Variants in MBNL1 observed in about 807,000 individuals in gnomAD.
The protein encoded by MBNL1 is muscleblind-like protein 1.
In MBNL1, 8 loss-of-function variants were observed where a neutral mutation model predicts 42.2. The ratio of observed to expected loss-of-function variants is 0.19; its 90% CI spans 0.11 to 0.34. MBNL1 has a LOEUF of 0.34. MBNL1 is among the 10% of genes least tolerant of loss of function. MBNL1 has a pLI of 1.00. For synonymous variants in MBNL1, 169 were observed against 173.9 expected (o/e 0.97, Z 0.22); for missense variants, 309 against 495.3 (o/e 0.62, Z 3.57).
intron 2 of MBNL1, among the ~76,000 whole-genome samples, chr3:152,302,781 T>A (rs2061264785): frequency 6.6e-6 from 1 of 152,178 alleles, no homozygotes; most frequent in Non-Finnish European, 1.5e-5. Flanking sequence ...TTTAATAAAA[T>A]GTGTCCTGTG....
intron 1 of MBNL1, chr3:152,269,658 T>G (rs1382231980): frequency 3.2e-6 from 1 of 314,220 alleles, no homozygotes; most frequent in African/African-American, 2.3e-5. Flanking sequence ...CAGGCCAGTT[T>G]GCCTTTTGCC....
chr3:152,282,344 ATG>A (rs143455864), intron 1 of MBNL1, among the ~76,000 whole-genome samples: 15 of 151,658 alleles, frequency 9.9e-5, no homozygotes, highest in Admixed American at 6.6e-4. Context: ...TCTTAGGGAC[ATG>A]TGTGTGTGTG....
chr3:152,283,753 C>T (rs937290129), intron 1 of MBNL1, among the ~76,000 whole-genome samples: 1 of 152,190 alleles, frequency 6.6e-6, no homozygotes, highest in African/African-American at 2.4e-5. Context: ...ACAGGTGTTC[C>T]ATACAGACCA....
chr3:152,269,394 G>A (rs1236714076), intron 1 of MBNL1: 2 of 369,698 alleles, frequency 5.4e-6, no homozygotes, highest in Non-Finnish European at 5.4e-6. Context: ...ACAGGGGGGC[G>A]AGAAGAGAAA....
intron 6 of MBNL1, among the ~76,000 whole-genome samples, chr3:152,451,451 CTCTG>C (rs1722833736): frequency 6.6e-6 from 1 of 152,052 alleles, no homozygotes; most frequent in African/African-American, 2.4e-5. Flanking sequence ...TCCTCCCTTC[CTCTG>C]TCCTTCAGTT....
intron 2 of MBNL1, among the ~76,000 whole-genome samples, chr3:152,412,160 G>A (rs556923021): frequency 6.6e-6 from 1 of 152,226 alleles, no homozygotes; most frequent in South Asian, 2.1e-4. Flanking sequence ...ACTTATTTTT[G>A]ACCTTTTTCC....
intron 2 of MBNL1, among the ~76,000 whole-genome samples, chr3:152,372,018 T>C (rs2096684971): frequency 6.6e-6 from 1 of 152,246 alleles, no homozygotes; most frequent in African/African-American, 2.4e-5. Context: ...CATTTTTCTC[T>C]AATCTTGTCT....
In MBNL1 at chr3:152,419,786, G is replaced by T. The variant is rs2098771548; in HGVS notation, c.345+4675G>T. Among the ~76,000 whole-genome samples the T allele has an allele frequency of 2.0e-5, 3 of 152,158 alleles. No homozygotes were observed. In the South Asian group the frequency reaches 6.2e-4, roughly 32 times the overall value. On this transcript the variant is annotated intron_variant, in intron 3 of 9. Coordinates refer to ENST00000324210, the MANE Select transcript of MBNL1 (RefSeq NM_021038.5). ...GAACCGTTCACTCCCCTGGAAAGAGGGCTGAAGCCAGGGAGCCAAGTGGTC... is the reference window on the plus strand; with the variant it reads ...GAACCGTTCACTCCCCTGGAAAGAGTGCTGAAGCCAGGGAGCCAAGTGGTC...
chr3:152,323,249 A>G (rs953285587), intron 2 of MBNL1, among the ~76,000 whole-genome samples: 33 of 152,264 alleles, frequency 2.2e-4, no homozygotes, highest in African/African-American at 7.5e-4. Flanking sequence ...TAGGATCAAT[A>G]TAGTAATAAT....
At chr3:152,422,848 C>T (rs1390497212) in intron 3 of MBNL1, among the ~76,000 whole-genome samples, 1 of 152,200 alleles carries the variant, frequency 6.6e-6, no homozygotes, top group East Asian at 1.9e-4. Context: ...TGAATGACTA[C>T]TAGGTAAATA....
At chr3:152,377,935 T>A (rs1264761864) in intron 2 of MBNL1, among the ~76,000 whole-genome samples, 3 of 152,220 alleles carry the variant, frequency 2.0e-5, no homozygotes, top group South Asian at 4.1e-4. Context: ...TATAACTAAA[T>A]GACCTTGAAG....
chr3:152,459,552 A>G (rs1253876574), intron 9 of MBNL1, among the ~76,000 whole-genome samples: 2 of 152,242 alleles, frequency 1.3e-5, no homozygotes, highest in African/African-American at 4.8e-5. Context: ...CTAAGAGAAA[A>G]TAAATTTTTT....
At chr3:152,457,125 AAAAT>A (rs1735259561) in intron 8 of MBNL1, among the ~76,000 whole-genome samples, 1 of 152,170 alleles carries the variant, frequency 6.6e-6, no homozygotes, top group Non-Finnish European at 1.5e-5. Context: ...TAACTATTTA[AAAAT>A]AAATGATGAT....
At chr3:152,417,305 G>T (rs186641717) in intron 3 of MBNL1, among the ~76,000 whole-genome samples, 59 of 152,310 alleles carry the variant, frequency 3.9e-4, no homozygotes, top group African/African-American at 1.4e-3. Flanking sequence ...AATAGGGATT[G>T]TAACAGGACT....
intron 1 of MBNL1, among the ~76,000 whole-genome samples, chr3:152,287,962 T>G (rs1026495995): frequency 2.0e-5 from 3 of 152,224 alleles, no homozygotes; most frequent in Non-Finnish European, 2.9e-5. Flanking sequence ...AATCTCATGC[T>G]CCCTTATAGT....
At chr3:152,429,025 A>G (rs1186273279) in intron 3 of MBNL1, among the ~76,000 whole-genome samples, 1 of 152,216 alleles carries the variant, frequency 6.6e-6, no homozygotes, top group Admixed American at 6.5e-5. Context: ...TGTGCCAGGC[A>G]TTGTTCCAGG....
At chr3:152,415,293 C>G (rs1007482451) in intron 3 of MBNL1, among the ~76,000 whole-genome samples, 182 bp downstream of exon 3, 2 of 152,182 alleles carry the variant, frequency 1.3e-5, no homozygotes, top group African/African-American at 4.8e-5. Flanking sequence ...TGTAGGCACT[C>G]ATTTTCTGGC....
intron 2 of MBNL1, among the ~76,000 whole-genome samples, chr3:152,254,612 T>C (rs1185530578): frequency 6.6e-6 from 1 of 152,154 alleles, no homozygotes; most frequent in Non-Finnish European, 1.5e-5. Context: ...ATAAAACTAC[T>C]CTAGGAAAAT....
chr3:152,340,411 T>A (rs2092841327), intron 2 of MBNL1: 3 of 1,232,248 alleles, frequency 2.4e-6, no homozygotes, highest in African/African-American at 3.0e-5. Context: ...TGACAATGAC[T>A]GAGTTTTTTC....
Sources: gnomAD v4.1 joint callset for allele counts (sites outside exome capture counted in the v4.1 genomes callset) on GRCh38, gnomAD v4.1.1 for gene constraint, MANE v1.5 for transcripts, NCBI Gene and HGNC (gene_info 2026-07-23, HGNC 2026-07-21) for gene names.